Variants in PTPRO observed in about 807,000 individuals in gnomAD.
PTPRO encodes receptor-type tyrosine-protein phosphatase O.
PTPRO carries 62 observed loss-of-function variants against 145.2 expected under a neutral mutation model. The observed-to-expected ratio is 0.43, with a 90% CI of 0.35 to 0.53. PTPRO has a LOEUF of 0.53. PTPRO is among the 20% of genes least tolerant of loss of function. The pLI is 0.01. For synonymous variants in PTPRO, 565 were observed against 514.7 expected, an observed-to-expected ratio of 1.10 and a Z score of -1.32; for missense variants, 1,345 against 1,482.7, an observed-to-expected ratio of 0.91 and a Z score of 1.53.
At chr12:15,328,397 G>A (rs1352940320) in intron 1 of PTPRO, among the ~76,000 whole-genome samples, 1 of 152,078 alleles carries the variant, frequency 6.6e-6, no homozygotes, top group African/African-American at 2.4e-5. Context: ...GTTACTTAAA[G>A]GCCAGCTCCT....
chr12:15,389,670 T>C (rs2136284954), intron 1 of PTPRO, among the ~76,000 whole-genome samples: 1 of 152,296 alleles, frequency 6.6e-6, no homozygotes, highest in Middle Eastern at 3.4e-3. Context: ...TCACCTTAAA[T>C]CTAGACTTCT....
chr12:15,504,944 C>T (rs1009163765), intron 6 of PTPRO, among the ~76,000 whole-genome samples: 1 of 151,990 alleles, frequency 6.6e-6, no homozygotes, highest in Admixed American at 6.6e-5. Context: ...AAAGAAAAAC[C>T]AAAAATGTCA....
intron 12 of PTPRO, among the ~76,000 whole-genome samples, chr12:15,538,645 T>G (rs1223969516): frequency 1.3e-5 from 2 of 152,268 alleles, no homozygotes; most frequent in Non-Finnish European, 2.9e-5. Flanking sequence ...GGGCAATGAC[T>G]GTGAAGTCTG....
rs1284325883 is a variant in PTPRO, at chr12:15,508,642, A to G, written c.1339A>G (p.Thr447Ala). 6.2e-7 allele frequency: 1 copy of G among 1,614,092 alleles called. No individual in the cohort carries two copies. The highest frequency in any genetic ancestry group is 8.5e-7 in the Non-Finnish European group (1 of 1,179,988). The stretch of plus-strand genomic sequence containing the variant: ...CGTGAGTGTCCACGTTTTAAGCTCA[A>G]CCACTGCCTTGATGTCCTGGACATC... ...QHVSVHVLSS[T>A]TALMSWTSSQ... The change falls in exon 7 of 27, where the codon ACC becomes GCC. Residue 447 changes from threonine (T) to alanine (A), a missense_variant. By Grantham distance (58) the Thr-to-Ala change is moderately conservative. Transcript: ENST00000281171.
rs1942233445 is a variant in PTPRO at position 15,502,083 on chromosome 12, G to A, written c.1105+20G>A. ...GAGAAGGTAAAGCAGTAGGAAATCA[G>A]AGGAAATAAGAACTGATACAAAGGA... On this transcript the variant is annotated intron_variant, in intron 5 of 26. Transcript: ENST00000281171. 1 of 1,579,562 alleles carries A rather than the reference G, an allele frequency of 6.3e-7. No homozygotes were observed. Among genetic ancestry groups the A allele is most frequent in the Non-Finnish European group, 8.7e-7 (1 of 1,148,880 alleles).
chr12:15,351,803 C>T (rs539998246), intron 1 of PTPRO, among the ~76,000 whole-genome samples: 1 of 152,140 alleles, frequency 6.6e-6, no homozygotes, highest in Non-Finnish European at 1.5e-5. Context: ...AAACATTGCT[C>T]CTTCATTCAC....
rs1413550474 is a variant in PTPRO, at chr12:15,480,043, TGA to T, written c.76-3930_76-3929del. On this transcript the variant is annotated intron_variant, in intron 1 of 26. Transcript: ENST00000281171. ...TTGGCTAGGACTAAATGACTGAGGA[TGA>T]AACCAAATATGCCTATATTGCAAGG... 3.3e-5 allele frequency among the ~76,000 whole-genome samples: 5 copies of T among 152,198 alleles called. No homozygotes were observed. In the East Asian group the frequency reaches 9.6e-4, roughly 29 times the overall value.
chr12:15,594,692 A>G (rs957722362), intron 25 of PTPRO, among the ~76,000 whole-genome samples: 1 of 152,084 alleles, frequency 6.6e-6, no homozygotes, highest in Non-Finnish European at 1.5e-5. Flanking sequence ...TTATACTGCA[A>G]TAAAGTTAGG....
chr12:15,524,981 T>A lies in PTPRO; in HGVS notation c.2043+16T>A. Reference sequence around the variant, plus strand: ...TAAAAAGAGTGTATGTTTCTTTGAATGCCAGCATTGTGTGTCTGTAAATTT... The same window carrying A: ...TAAAAAGAGTGTATGTTTCTTTGAAAGCCAGCATTGTGTGTCTGTAAATTT... On this transcript the variant is annotated intron_variant, in intron 11 of 26. Transcript: ENST00000281171. 6.2e-7 allele frequency: 1 copy of A among 1,613,162 alleles called. No homozygotes were observed. The highest frequency in any genetic ancestry group is 8.5e-7 in the Non-Finnish European group (1 of 1,179,546).
chr12:15,514,408 T>C (rs1942530030), intron 7 of PTPRO, among the ~76,000 whole-genome samples: 1 of 139,674 alleles, frequency 7.2e-6, no homozygotes, highest in Non-Finnish European at 1.5e-5. Context: ...GCCCAGATCA[T>C]GCCACTTCAC....
intron 1 of PTPRO, among the ~76,000 whole-genome samples, chr12:15,406,019 AT>A (rs911346696): frequency 6.6e-6 from 1 of 152,132 alleles, no homozygotes; most frequent in African/African-American, 2.4e-5. Context: ...ATTAAATTTA[AT>A]TTTTTATTCT....
intron 1 of PTPRO, among the ~76,000 whole-genome samples, chr12:15,454,046 C>A (rs1164672853): frequency 6.6e-6 from 1 of 152,116 alleles, no homozygotes; most frequent in African/African-American, 2.4e-5. Flanking sequence ...CAAGAGAGTG[C>A]AAATATTTCT....
At chr12:15,515,734 T>C in intron 8 of PTPRO, 116 bp downstream of exon 8, 4 of 1,293,954 alleles carry the variant, frequency 3.1e-6, no homozygotes, top group Non-Finnish European at 4.5e-6. Flanking sequence ...TATTAGTTCA[T>C]CCAATATGCT....
chr12:15,532,631 G>C (rs1186396867), intron 12 of PTPRO, among the ~76,000 whole-genome samples: 1 of 152,160 alleles, frequency 6.6e-6, no homozygotes, highest in African/African-American at 2.4e-5. Flanking sequence ...TTCCTGCACT[G>C]AAGGCAATCT....
At chr12:15,378,128 G>A (rs1231842476) in intron 1 of PTPRO, among the ~76,000 whole-genome samples, 4 of 151,624 alleles carry the variant, frequency 2.6e-5, no homozygotes, top group Non-Finnish European at 4.4e-5. Context: ...GCAAAAAGAA[G>A]GAAATTATTT....
intron 1 of PTPRO, among the ~76,000 whole-genome samples, chr12:15,369,678 C>G (rs1938466534): frequency 6.6e-6 from 1 of 152,100 alleles, no homozygotes; most frequent in Admixed American, 6.6e-5. Context: ...TAAATTCTCC[C>G]TTCATATATA....
chr12:15,332,416 T>C (rs772560985), intron 1 of PTPRO, among the ~76,000 whole-genome samples: 3 of 152,154 alleles, frequency 2.0e-5, no homozygotes, highest in Non-Finnish European at 4.4e-5. Flanking sequence ...TTCAGGAAAA[T>C]GCTTTTGGAG....
chr12:15,532,224 A>G (rs902425764), intron 12 of PTPRO, among the ~76,000 whole-genome samples: 3 of 152,172 alleles, frequency 2.0e-5, no homozygotes, highest in Non-Finnish European at 4.4e-5. Flanking sequence ...ATTAGACACT[A>G]TGGAAGTAAA....
chr12:15,499,327 GT>G, intron 3 of PTPRO, 114 bp from the exon 4 acceptor site: 1 of 1,033,990 alleles, frequency 9.7e-7, no homozygotes, highest in Non-Finnish European at 1.5e-6. Flanking sequence ...GCCCATAACA[GT>G]AGTTGAAGGA....
Sources: allele counts gnomAD v4.1 joint callset (sites outside exome capture counted in the v4.1 genomes callset), GRCh38; gene constraint gnomAD v4.1.1; transcripts MANE v1.5; gene names NCBI Gene and HGNC (gene_info 2026-07-23, HGNC 2026-07-21).